PLSCR5: variants seen among roughly 807,000 people sequenced by gnomAD.
PLSCR5 encodes phospholipid scramblase family member 5.
PLSCR5 carries 44 observed loss-of-function variants against 33.6 expected under a neutral mutation model. The ratio of observed to expected loss-of-function variants is 1.31; its 90% CI spans 1.03 to 1.69. PLSCR5 has a LOEUF of 1.69. PLSCR5 is among the 40% of genes most tolerant of loss of function. The probability of loss-of-function intolerance (pLI) is 0.00; values close to 1 mark genes in which losing one functional copy is unlikely to be tolerated. For synonymous variants in PLSCR5, 148 were observed against 112.3 expected (o/e 1.32, Z -2.01); for missense variants, 375 against 318.7 (o/e 1.18, Z -1.34).
At chr3:146,583,160 T>G (rs1463294187), downstream of PLSCR5, among the ~76,000 whole-genome samples, 1 of 152,214 alleles carries the variant, frequency 6.6e-6, no homozygotes, top group Non-Finnish European at 1.5e-5. Flanking sequence ...TTGCCATATC[T>G]TAGCATCTTG....
At chr3:146,603,722 C>T (rs2044839513) in intron 1 of PLSCR5, among the ~76,000 whole-genome samples, 1 of 152,074 alleles carries the variant, frequency 6.6e-6, no homozygotes, top group African/African-American at 2.4e-5. Flanking sequence ...CACTCTGCAA[C>T]TTTTTACCTT....
chr3:146,605,240 G>C lies in PLSCR5; in HGVS notation c.-28C>G, dbSNP rs201651780. 106 of 1,611,162 alleles carry C rather than the reference G, an allele frequency of 6.6e-5. 1 individual carries two copies. The East Asian group carries it at 2.3e-3, about 35-fold the overall frequency. On this transcript the variant is annotated 5_prime_UTR_variant, in exon 1 of 8. Transcript: ENST00000443512. ...AGATGTCTGAGTCACTTCTTCAAAG[G>C]TTGCCAGGTTGGAAAACAAAGGCTT...
At chr3:146,599,100 C>G (rs2044787796) in intron 2 of PLSCR5, among the ~76,000 whole-genome samples, 1 of 152,130 alleles carries the variant, frequency 6.6e-6, no homozygotes, top group Admixed American at 6.6e-5. Flanking sequence ...TACTTCTAAT[C>G]CTTTTTAGGA....
Position 146,593,955 on chromosome 3 carries a change from A to C in PLSCR5, c.418T>G (p.Cys140Gly). ...TAGCAAGGGCACCAGCAGCTGTTAC[A>C]TCTCAAGGGCCTGTTCACTGTAATG... The part of the protein sequence containing the change: ...EVITVNRPLR[C>G]NSCWCPCYLQ... Residue 140 changes from cysteine (C) to glycine (G), a missense_variant, in exon 4 of 8, where the codon TGT (cysteine) becomes GGT (glycine). Coordinates refer to ENST00000443512, the MANE Select transcript of PLSCR5 (RefSeq NM_001085420.2). 1 of 1,613,774 alleles carries C rather than the reference A, an allele frequency of 6.2e-7. No homozygotes were observed. Among genetic ancestry groups the C allele is most frequent in the Non-Finnish European group, 8.5e-7 (1 of 1,179,736 alleles).
rs149353837 is a variant in PLSCR5, at chr3:146,596,718, G to C, written c.190-1635C>G. On this transcript the variant is annotated intron_variant, in intron 2 of 7. Coordinates refer to ENST00000443512, the MANE Select transcript of PLSCR5 (RefSeq NM_001085420.2). ...GTATTGATTGGACATCACAATCTCA[G>C]AACATTTGAAGCTACATGATTTCCC... is the stretch of plus-strand genomic sequence containing the variant. Among the ~76,000 whole-genome samples, 242 of 152,216 alleles carry C rather than the reference G, an allele frequency of 1.6e-3. 1 individual carries two copies. The highest frequency in any genetic ancestry group is 4.8e-3 in the African/African-American group (200 of 41,548).
In PLSCR5 at chr3:146,593,679, A is replaced by G. The variant is rs150033928; in HGVS notation, c.453+241T>C. On this transcript the variant is annotated intron_variant, in intron 4 of 7. Coordinates refer to ENST00000443512, the MANE Select transcript of PLSCR5 (RefSeq NM_001085420.2). ...GATTCCAGAGGTCTATCTCATTTAC[A>G]TGATGCATGAGCTGTCTTCAACAGT... Among the ~76,000 whole-genome samples, 73 of 152,308 alleles carry G rather than the reference A, an allele frequency of 4.8e-4. No homozygotes were observed. The East Asian group carries it at 0.012, about 25-fold the overall frequency.
downstream of PLSCR5, among the ~76,000 whole-genome samples, chr3:146,585,106 G>A (rs778282091): frequency 4.6e-5 from 7 of 151,904 alleles, no homozygotes; most frequent in African/African-American, 1.7e-4. Flanking sequence ...GATAACTAGT[G>A]GATAGTAATC....
intron 7 of PLSCR5, among the ~76,000 whole-genome samples, chr3:146,577,061 G>A (rs2044603256): frequency 6.6e-6 from 1 of 151,968 alleles, no homozygotes; most frequent in Non-Finnish European, 1.5e-5. Context: ...TACAGAATGA[G>A]GTCTGGGTAT....
intron 5 of PLSCR5, chr3:146,590,433 G>A (rs2107851263): frequency 6.6e-6 from 1 of 151,774 alleles, no homozygotes; most frequent in African/African-American, 2.4e-5. Context: ...AATCCTCCTG[G>A]TTAATGTACC....
chr3:146,592,783 ATATAT>A (rs2044726781), intron 4 of PLSCR5, among the ~76,000 whole-genome samples: 1 of 152,118 alleles, frequency 6.6e-6, no homozygotes, highest in African/African-American at 2.4e-5. Flanking sequence ...TTATCAAGTA[ATATAT>A]TATGTTTAAT....
At chr3:146,581,028 TAC>T (rs1394052382), downstream of PLSCR5, among the ~76,000 whole-genome samples, 1 of 152,182 alleles carries the variant, frequency 6.6e-6, no homozygotes, top group Non-Finnish European at 1.5e-5. Context: ...ATTACAAAAG[TAC>T]ACACACTCTG....
chr3:146,605,298 T>C lies in PLSCR5; in HGVS notation c.-86A>G. The C allele has an allele frequency of 3.1e-6, 5 of 1,601,278 alleles. No individual in the cohort carries two copies. The highest frequency in any genetic ancestry group is 1.1e-5 in the South Asian group (1 of 89,502). On this transcript the variant is annotated 5_prime_UTR_variant, in exon 1 of 8. The change abolishes an upstream ATG in the 5' untranslated region. Coordinates refer to ENST00000443512, the MANE Select transcript of PLSCR5 (RefSeq NM_001085420.2). ...TGCAGCAAGGAGAGAAAACGCAGCA[T>C]GCACAAAACTTCAGAACGTGTTTGT...
intron 4 of PLSCR5, 75 bp downstream of exon 4, chr3:146,593,845 T>C: frequency 7.2e-7 from 1 of 1,393,388 alleles, no homozygotes; most frequent in African/African-American, 1.4e-5. Context: ...GCCTCATTGC[T>C]CCAGATGAAT....
chr3:146,592,132 T>G (rs1210626171), intron 4 of PLSCR5, among the ~76,000 whole-genome samples: 1 of 152,048 alleles, frequency 6.6e-6, no homozygotes, highest in Non-Finnish European at 1.5e-5. Flanking sequence ...CTAAAGAGAA[T>G]CTACCCCACG....
intron 5 of PLSCR5, 34 bp from the exon 6 acceptor site, chr3:146,589,848 C>A (rs343289): frequency 0.71 from 991,470 of 1,392,796 alleles, 354,228 homozygotes; most frequent in African/African-American, 0.76. Flanking sequence ...TTAAATTTGA[C>A]AGTGAAAAAA....
rs193056642 is a variant in PLSCR5, at chr3:146,586,761, G to A, written c.778-649C>T. On this transcript the variant is annotated intron_variant, in intron 6 of 7. Transcript: ENST00000443512. ...TAGATTTCATTTGTGATTTAGATTTGTATTTAAATGAGGAAATAACCTTAT... is the reference window on the plus strand; with the variant it reads ...TAGATTTCATTTGTGATTTAGATTTATATTTAAATGAGGAAATAACCTTAT... Among the ~76,000 whole-genome samples the A allele has an allele frequency of 4.0e-3, 614 of 152,186 alleles. 2 individuals carry two copies. The highest frequency in any genetic ancestry group is 0.027 in the Middle Eastern group (8 of 292).
chr3:146,579,366 G>A lies in PLSCR5; in HGVS notation c.*45-2641C>T, dbSNP rs188417639. ...ACAATAATATAAAACTTACCAAACAGGAGTAAGAGTAAATTATGAAGTAGT... is the reference window on the plus strand; with the variant it reads ...ACAATAATATAAAACTTACCAAACAAGAGTAAGAGTAAATTATGAAGTAGT... On this transcript the variant is annotated intron_variant, in intron 7 of 7. Transcript: ENST00000482567. Among the ~76,000 whole-genome samples the A allele has an allele frequency of 2.9e-3, 435 of 152,120 alleles. 3 individuals carry two copies. Among genetic ancestry groups the A allele is most frequent in the African/African-American group, 0.01 (416 of 41,530 alleles).
chr3:146,594,217 T>C (rs749022294), intron 3 of PLSCR5, 77 bp from the exon 4 acceptor site: 2 of 1,013,096 alleles, frequency 2.0e-6, no homozygotes, highest in Non-Finnish European at 2.9e-6. Context: ...GGAGATGTTA[T>C]TAAAAGAATA....
chr3:146,586,706 C>T (rs977181213), intron 6 of PLSCR5, among the ~76,000 whole-genome samples: 4 of 151,618 alleles, frequency 2.6e-5, no homozygotes, highest in Non-Finnish European at 4.4e-5. Context: ...GTTGTGAAGC[C>T]GTATCTTGGA....
Sources: gnomAD v4.1 joint callset for allele counts (sites outside exome capture counted in the v4.1 genomes callset) on GRCh38, gnomAD v4.1.1 for gene constraint, MANE v1.5 for transcripts, NCBI Gene and HGNC (gene_info 2026-07-23, HGNC 2026-07-21) for gene names.